The following RGS12 variants were observed in gnomAD, a reference collection of about 807,000 sequenced individuals.
The protein encoded by RGS12 is regulator of G protein signaling 12, also known as regulator of G-protein signaling 12.
Under a neutral mutation model 120.1 loss-of-function variants are expected in RGS12, and 66 were observed. The observed-to-expected ratio is 0.55, with a 90% CI of 0.45 to 0.67. The LOEUF is 0.67. RGS12 is among the 30% of genes least tolerant of loss of function. The pLI is 0.00. For synonymous variants in RGS12, 827 were observed against 804.7 expected (o/e 1.03, Z -0.47); for missense variants, 1,859 against 1,957.7 (o/e 0.95, Z 0.95).
At chr4:3,431,535 G>A (rs1724308805) in intron 17 of RGS12, 16 of 986,004 alleles carry the variant, frequency 1.6e-5, no homozygotes, top group Non-Finnish European at 1.9e-5. Flanking sequence ...GACCGCGGGT[G>A]TCACGGGCAT....
rs1198696711 is a variant in RGS12 at position 3,317,196 on chromosome 4, G to A, written c.1026G>A (p.Val342=). Residue 342 remains valine, a synonymous_variant, in exon 2 of 18, where the codon GTG becomes GTA. Transcript: ENST00000336727. Reference sequence around the variant, plus strand: ...GGACTTCCTGCCACGTGTTCATGGTGGACCCAGACTTGTTTAATCACAAGA... The same window carrying A: ...GGACTTCCTGCCACGTGTTCATGGTAGACCCAGACTTGTTTAATCACAAGA... ...ALRTSCHVFM[V]DPDLFNHKIH... is the part of the protein sequence containing the mutation. 1 of 1,614,192 alleles carries A rather than the reference G, an allele frequency of 6.2e-7. No homozygotes were observed. Among genetic ancestry groups the A allele is most frequent in the African/African-American group, 1.3e-5 (1 of 75,076 alleles).
intron 4 of RGS12, among the ~76,000 whole-genome samples, chr4:3,398,828 G>A (rs1418062966): frequency 2.6e-5 from 4 of 151,992 alleles, no homozygotes; most frequent in Admixed American, 2.0e-4. Context: ...GTACCAAATG[G>A]AAAATACACT....
intron 1 of RGS12, among the ~76,000 whole-genome samples, chr4:3,296,531 C>T (rs111257595): frequency 1.3e-4 from 20 of 152,200 alleles, no homozygotes; most frequent in African/African-American, 4.8e-4. Flanking sequence ...GGATAATCTC[C>T]TTGTCCTGGG....
intron 3 of RGS12, among the ~76,000 whole-genome samples, chr4:3,364,286 G>GT (rs1560116375): frequency 6.6e-6 from 1 of 152,106 alleles, no homozygotes; most frequent in Non-Finnish European, 1.5e-5. Context: ...TCCATCTGCC[G>GT]TAACTGTGAC....
Position 3,344,181 on chromosome 4 carries a change from A to C in RGS12, c.1998+1128A>C, listed in dbSNP as rs574909863. On this transcript the variant is annotated intron_variant, in intron 3 of 17. Coordinates refer to ENST00000336727, the MANE Select transcript of RGS12 (RefSeq NM_001394154.1). ...GAGAAAAGGTGGCTTCAGGGATGGC[A>C]GGGGTCCTGGGGATTGGCACGTTGT... 5.0e-4 allele frequency among the ~76,000 whole-genome samples: 76 copies of C among 152,288 alleles called. 2 individuals are homozygous for C. Among genetic ancestry groups the C allele is most frequent in the Admixed American group, 2.2e-3 (34 of 15,300 alleles).
At chr4:3,406,112 C>A (rs111736151) in intron 4 of RGS12, among the ~76,000 whole-genome samples, 2,270 of 152,326 alleles carry the variant, frequency 0.015, 24 homozygotes, top group Non-Finnish European at 0.024. Flanking sequence ...GCCCTGCAAG[C>A]CCCTGCCAGC....
chr4:3,315,111 G>C (rs971434059), intron 1 of RGS12, among the ~76,000 whole-genome samples: 3 of 152,240 alleles, frequency 2.0e-5, no homozygotes, highest in Non-Finnish European at 2.9e-5. Flanking sequence ...GGCTCACTGT[G>C]TAGGGAGTTA....
chr4:3,386,148 A>C (rs1015734281), intron 3 of RGS12: 7 of 528,620 alleles, frequency 1.3e-5, no homozygotes, highest in Non-Finnish European at 2.3e-5. Context: ...CGCTGTTACT[A>C]AGACTGTAAT....
intron 13 of RGS12, 143 bp from the exon 14 acceptor site, chr4:3,425,321 C>T (rs1389814210): frequency 6.9e-6 from 5 of 729,060 alleles, no homozygotes; most frequent in Non-Finnish European, 9.8e-6. Flanking sequence ...TTGTGTGCCT[C>T]AGTCAGGCAG....
At position 3,342,962 on chromosome 4, in the gene RGS12, GACTC is replaced by G. The variant is rs1560101229; in HGVS notation, c.1913_1916del (p.Thr638SerfsTer37). 6.2e-7 allele frequency: 1 copy of G among 1,613,674 alleles called. No individual in the cohort carries two copies. Among genetic ancestry groups the G allele is most frequent in the Non-Finnish European group, 8.5e-7 (1 of 1,179,918 alleles). On this transcript the variant is annotated frameshift_variant, in exon 3 of 18. Coordinates refer to ENST00000336727, the MANE Select transcript of RGS12 (RefSeq NM_001394154.1). LOFTEE classifies it high-confidence loss of function. ...GGCTCAAAATTTGGGCGGGGAACTG[GACTC>G]ACTCAGCCTTCTCAACGCACGTCTG...
At chr4:3,392,674 C>T (rs972888020) in intron 4 of RGS12, among the ~76,000 whole-genome samples, 1 of 152,168 alleles carries the variant, frequency 6.6e-6, no homozygotes, top group African/African-American at 2.4e-5. Context: ...TACTGATTCT[C>T]TTCACGCTTT....
chr4:3,420,606 C>G (rs1722905357), intron 9 of RGS12, 36 bp from the exon 10 acceptor site: 2 of 1,605,446 alleles, frequency 1.2e-6, no homozygotes, highest in Middle Eastern at 1.8e-4. Flanking sequence ...AAACAGGGTT[C>G]TGATTGACGT....
intron 1 of RGS12, among the ~76,000 whole-genome samples, chr4:3,309,503 G>T (rs868547220): frequency 0.013 from 1,435 of 113,376 alleles, 1 homozygote; most frequent in African/African-American, 0.048. Context: ...GCTGGGACCC[G>T]GGAAATGGCA....
chr4:3,292,325 T>C (rs1723068209), upstream of RGS12, among the ~76,000 whole-genome samples: 1 of 152,078 alleles, frequency 6.6e-6, no homozygotes, highest in East Asian at 2.0e-4. Context: ...GGTCCCGCCC[T>C]CGCTGCTGCC....
chr4:3,379,005 ATGTG>A (rs3138719), intron 3 of RGS12, among the ~76,000 whole-genome samples: 26,633 of 146,262 alleles, frequency 0.18, 2,287 homozygotes, highest in South Asian at 0.25. Context: ...GAAATGTGCG[ATGTG>A]TGTGTGTGTG....
At position 3,317,933 on chromosome 4, in the gene RGS12, G is replaced by A. The variant is rs746076236; in HGVS notation, c.1763G>A (p.Gly588Asp). Residue 588 changes from glycine to aspartate, a missense_variant, in exon 2 of 18, where the codon GGC (glycine) becomes GAC (aspartate). Around this residue, in one of 3 missense-constraint regions of RGS12, gnomAD observed 967 missense variants for 994.2 expected, o/e 0.97. Coordinates refer to ENST00000336727, the MANE Select transcript of RGS12 (RefSeq NM_001394154.1). Reference protein sequence around the residue: ...KIPADRYRVEGSFAQPPLNAP... With the variant: ...KIPADRYRVEDSFAQPPLNAP... ...CCCGCAGACCGCTACAGGGTGGAGG[G>A]CAGCTTCGCGCAGCCCCCGCTGAAT... 2.5e-6 allele frequency: 4 copies of A among 1,614,072 alleles called. No individual in the cohort carries two copies. In the African/African-American group the frequency reaches 4.0e-5, roughly 16 times the overall value.
intron 1 of RGS12, chr4:3,312,555 G>A (rs373020715): frequency 6.6e-5 from 15 of 227,604 alleles, no homozygotes; most frequent in Admixed American, 1.2e-4. Flanking sequence ...AGACCAAGAC[G>A]GTATGTGCAG....
chr4:3,341,848 T>TAGGGGCTGC (rs1176931970), intron 2 of RGS12, among the ~76,000 whole-genome samples: 1 of 117,182 alleles, frequency 8.5e-6, no homozygotes, highest in Non-Finnish European at 1.8e-5. Context: ...GGGCGGAGGG[T>TAGGGGCTGC]AGGGGCTGCA....
intron 4 of RGS12, among the ~76,000 whole-genome samples, chr4:3,394,346 A>G (rs773156292): frequency 6.6e-6 from 1 of 152,144 alleles, no homozygotes; most frequent in Non-Finnish European, 1.5e-5. Flanking sequence ...TATTTTTAGT[A>G]GAGATGGTGT....
Sources: allele counts gnomAD v4.1 joint callset (sites outside exome capture counted in the v4.1 genomes callset), GRCh38; gene constraint gnomAD v4.1.1; regional missense constraint gnomAD v4.1.1; transcripts MANE v1.5; gene names NCBI Gene and HGNC (gene_info 2026-07-23, HGNC 2026-07-21).